The following LGSN variants were observed in gnomAD, a reference collection of about 807,000 sequenced individuals.
LGSN encodes the protein lengsin.
Under a neutral mutation model 19.5 loss-of-function variants are expected in LGSN, and 21 were observed. That is an observed-to-expected ratio of 1.07 (90% CI 0.76 to 1.55). LGSN has a LOEUF of 1.55. LGSN is among the 40% of genes most tolerant of loss of function. LGSN has a pLI of 0.00. For synonymous variants in LGSN, 257 were observed against 215.6 expected (o/e 1.19, Z -1.68); for missense variants, 673 against 608.5 (o/e 1.11, Z -1.12).
At chr6:63,417,021 G>A in the LGSN span, among the ~76,000 whole-genome samples, 1 of 151,778 alleles carries the variant, frequency 6.6e-6, no homozygotes, top group Non-Finnish European at 1.5e-5. Context: ...AAAAACAGAT[G>A]TGAAACAACA....
the LGSN span, among the ~76,000 whole-genome samples, chr6:63,401,376 G>T: frequency 1.3e-5 from 2 of 150,934 alleles, no homozygotes; most frequent in South Asian, 4.2e-4. Context: ...CACCAGCCTG[G>T]GCAACAGAAC....
chr6:63,283,732 C>T (rs1180125813), intron 3 of LGSN, among the ~76,000 whole-genome samples: 1 of 151,334 alleles, frequency 6.6e-6, no homozygotes, highest in Non-Finnish European at 1.5e-5. Flanking sequence ...TGGAGTTTCA[C>T]TCTTTTTGCC....
chr6:63,522,703 T>C, the LGSN span, among the ~76,000 whole-genome samples: 3 of 152,206 alleles, frequency 2.0e-5, no homozygotes, highest in African/African-American at 7.2e-5. Context: ...CTATTGCTCA[T>C]ATGTTTACTC....
chr6:63,545,621 A>G, the LGSN span, among the ~76,000 whole-genome samples: 1,161 of 152,002 alleles, frequency 7.6e-3, 20 homozygotes, highest in African/African-American at 0.027. Flanking sequence ...AAAAAAAAAA[A>G]GGAAGAAAGA....
At chr6:63,524,335 A>G in the LGSN span, among the ~76,000 whole-genome samples, 2,560 of 152,298 alleles carry the variant, frequency 0.017, 29 homozygotes, top group Non-Finnish European at 0.026. Flanking sequence ...CCTAGAGGAT[A>G]TATTAATGAC....
At chr6:63,528,949 C>T in the LGSN span, among the ~76,000 whole-genome samples, 18 of 151,586 alleles carry the variant, frequency 1.2e-4, no homozygotes, top group Non-Finnish European at 7.4e-5. Flanking sequence ...ATTAGCTGGG[C>T]GTGGTGGCAC....
the LGSN span, among the ~76,000 whole-genome samples, chr6:63,547,344 C>A: frequency 6.6e-6 from 1 of 151,522 alleles, no homozygotes; most frequent in South Asian, 2.1e-4. Context: ...CATGTGCCAC[C>A]ATGCCTAGCT....
the LGSN span, among the ~76,000 whole-genome samples, chr6:63,543,579 ATG>A: frequency 6.6e-6 from 1 of 152,244 alleles, no homozygotes; most frequent in African/African-American, 2.4e-5. Context: ...CAGAGTGTTG[ATG>A]ATTGAATGTG....
At chr6:63,355,550 A>T in the LGSN span, among the ~76,000 whole-genome samples, 1 of 152,178 alleles carries the variant, frequency 6.6e-6, no homozygotes, top group Admixed American at 6.5e-5. Context: ...GTTCAATCAA[A>T]GTGTCCACAG....
chr6:63,472,282 A>G, the LGSN span, among the ~76,000 whole-genome samples: 1 of 152,188 alleles, frequency 6.6e-6, no homozygotes, highest in Non-Finnish European at 1.5e-5. Flanking sequence ...TCAAAATTAG[A>G]AATGGGGGTA....
At chr6:63,471,909 C>T in the LGSN span, among the ~76,000 whole-genome samples, 2 of 152,098 alleles carry the variant, frequency 1.3e-5, no homozygotes, top group Non-Finnish European at 2.9e-5. Flanking sequence ...AAATCACATT[C>T]TCTCTCTACC....
intron 2 of LGSN, among the ~76,000 whole-genome samples, chr6:63,294,190 G>A (rs944405695): frequency 2.6e-5 from 4 of 151,846 alleles, no homozygotes; most frequent in African/African-American, 9.7e-5. Flanking sequence ...TAAAAAATTA[G>A]CGTGGCATGG....
the LGSN span, among the ~76,000 whole-genome samples, chr6:63,488,811 C>T: frequency 6.6e-6 from 1 of 151,536 alleles, no homozygotes; most frequent in African/African-American, 2.4e-5. Flanking sequence ...AAGCAAGACT[C>T]CATCTCAGAG....
the LGSN span, among the ~76,000 whole-genome samples, chr6:63,543,209 G>C: frequency 6.6e-6 from 1 of 152,166 alleles, no homozygotes; most frequent in Non-Finnish European, 1.5e-5. Flanking sequence ...ACTTGTCCCT[G>C]TTTTAAAACT....
chr6:63,536,157 C>G, the LGSN span, among the ~76,000 whole-genome samples: 1 of 152,092 alleles, frequency 6.6e-6, no homozygotes, highest in African/African-American at 2.4e-5. Context: ...CAAGATGAAA[C>G]CACGTCTCTA....
At chr6:63,306,074 AAAAAATAAAGTCTTT>A (rs1264903600) in intron 1 of LGSN, among the ~76,000 whole-genome samples, 1 of 93,936 alleles carries the variant, frequency 1.1e-5, no homozygotes, top group Non-Finnish European at 3.0e-5. Flanking sequence ...CTCAACAACA[AAAAAATAAAGTCTTT>A]AAAATAATAC....
chr6:63,415,043 C>A, the LGSN span, among the ~76,000 whole-genome samples: 2 of 152,158 alleles, frequency 1.3e-5, no homozygotes, highest in Non-Finnish European at 2.9e-5. Context: ...GCCCACAGGG[C>A]ACAGTGGGAC....
intron 1 of LGSN, among the ~76,000 whole-genome samples, chr6:63,315,882 A>T (rs1169242673): frequency 6.6e-6 from 1 of 151,888 alleles, no homozygotes; most frequent in Non-Finnish European, 1.5e-5. Context: ...TTAAAAAAAA[A>T]AAAAACTCCA....
upstream of LGSN, among the ~76,000 whole-genome samples, chr6:63,323,670 C>T (rs1259483344): frequency 6.8e-6 from 1 of 146,808 alleles, no homozygotes; most frequent in Non-Finnish European, 1.5e-5. Flanking sequence ...TACATATTAA[C>T]ATAAATAGCA....
Sources: allele counts gnomAD v4.1 joint callset (sites outside exome capture counted in the v4.1 genomes callset), GRCh38; gene constraint gnomAD v4.1.1; transcripts MANE v1.5; gene names NCBI Gene and HGNC (gene_info 2026-07-23, HGNC 2026-07-21).